WDR12: variants seen among roughly 807,000 people sequenced by gnomAD.
WDR12 encodes the protein WD repeat domain 12, also known as ribosome biogenesis protein WDR12.
Under a neutral mutation model 64.3 loss-of-function variants are expected in WDR12, and 42 were observed. The ratio of observed to expected loss-of-function variants is 0.65; its 90% CI spans 0.51 to 0.84. The LOEUF is 0.84. WDR12 is among the 40% of genes least tolerant of loss of function. The pLI is 0.00. For synonymous variants in WDR12, 158 were observed against 173.3 expected (o/e 0.91, Z 0.70); for missense variants, 469 against 494.6 (o/e 0.95, Z 0.49).
intron 8 of WDR12, among the ~76,000 whole-genome samples, chr2:202,890,243 T>G (rs1331513044): frequency 6.6e-6 from 1 of 151,448 alleles, no homozygotes; most frequent in African/African-American, 2.4e-5. Context: ...ATGGATAAAT[T>G]GTGGCATATT....
chr2:202,883,514 T>TA lies in WDR12; in HGVS notation c.1121+94dup. The TA allele has an allele frequency of 1.2e-5, 16 of 1,369,534 alleles. No homozygotes were observed. In the South Asian group the frequency reaches 2.2e-4, roughly 19 times the overall value. 84.8% of individuals were successfully genotyped at this position (1,369,534 alleles called of 1,614,324 possible). A position where few individuals can be genotyped will look rare whatever the true frequency, so the allele number is the denominator to read the frequency against. ...GGTTGCAAAACCATGAGGCTTTTTTTACTCTTCTGGTTTTAGATAAGAATT... is the reference window on the plus strand; with the variant it reads ...GGTTGCAAAACCATGAGGCTTTTTTTAACTCTTCTGGTTTTAGATAAGAATT... On this transcript the variant is annotated intron_variant, in intron 11 of 12. Coordinates refer to ENST00000261015, the MANE Select transcript of WDR12 (RefSeq NM_018256.4).
At chr2:202,895,972 A>C in intron 6 of WDR12, 93 bp downstream of exon 6, 15 of 1,374,090 alleles carry the variant, frequency 1.1e-5, no homozygotes, top group African/African-American at 1.4e-5. Context: ...TTAGGAAACT[A>C]GGCCAACACA....
intron 2 of WDR12, among the ~76,000 whole-genome samples, chr2:202,902,533 T>C (rs900290438): frequency 1.3e-5 from 2 of 152,206 alleles, no homozygotes; most frequent in Admixed American, 1.3e-4. Context: ...CAGAGGAATG[T>C]GGAAGGACTA....
At chr2:202,899,445 A>G in intron 4 of WDR12, 86 bp downstream of exon 4, 1 of 1,144,474 alleles carries the variant, frequency 8.7e-7, no homozygotes, top group Non-Finnish European at 1.2e-6. Flanking sequence ...ATTAAATCAC[A>G]GAAAAATATG....
intron 8 of WDR12, among the ~76,000 whole-genome samples, chr2:202,887,888 C>T (rs1437513685): frequency 1.4e-5 from 2 of 138,696 alleles, no homozygotes; most frequent in Non-Finnish European, 1.6e-5. Flanking sequence ...GAGCGAGACT[C>T]CGTCTCAAAA....
intron 5 of WDR12, among the ~76,000 whole-genome samples, chr2:202,896,474 T>A (rs1475477867): frequency 2.6e-5 from 4 of 152,076 alleles, no homozygotes; most frequent in African/African-American, 7.2e-5. Context: ...GCAGATCACT[T>A]GAGGTCAGGA....
rs202089786 is a variant in WDR12, at chr2:202,883,614, T to C, written c.1116A>G (p.Thr372=). ...AGATCATAAATAGAATTTACCTTCT[T>C]GTATCCCACAGCTTAACAATGTTAT... The part of the protein sequence containing the change: ...SLDNIVKLWD[T]RSCKAPLYDL... The change falls in exon 11 of 13, where the codon ACA becomes ACG. Residue 372 remains threonine, a synonymous_variant. Transcript: ENST00000261015. 130 of 1,613,752 alleles carry C rather than the reference T, an allele frequency of 8.1e-5. 1 individual carries two copies. The highest frequency in any genetic ancestry group is 1.1e-4 in the Non-Finnish European group (126 of 1,179,916).
intron 2 of WDR12, among the ~76,000 whole-genome samples, chr2:202,906,710 A>G (rs545287104): frequency 5.9e-5 from 9 of 152,276 alleles, no homozygotes; most frequent in African/African-American, 2.2e-4. Flanking sequence ...TAAAAGTACA[A>G]AAAATTAGCC....
intron 8 of WDR12, among the ~76,000 whole-genome samples, chr2:202,887,658 G>C (rs1688071417): frequency 2.6e-5 from 4 of 151,918 alleles, no homozygotes; most frequent in Admixed American, 2.0e-4. Flanking sequence ...GGAGGCTGAG[G>C]CGGGTGGATC....
In WDR12 at chr2:202,911,399, C is replaced by A. The variant is rs1688639696; in HGVS notation, c.41+37G>T. 3.1e-6 allele frequency: 5 copies of A among 1,609,116 alleles called. No individual in the cohort carries two copies. The African/African-American group carries it at 4.0e-5, about 13-fold the overall frequency. On this transcript the variant is annotated intron_variant, in intron 1 of 12. Transcript: ENST00000261015. ...TACCAAAGGGGTGGTCGGAAAGGAA[C>A]CTGGGGAAGGGAGAGAAGGCTGGAA...
At chr2:202,894,308 C>T (rs1305267713) in intron 7 of WDR12, among the ~76,000 whole-genome samples, 1 of 152,054 alleles carries the variant, frequency 6.6e-6, no homozygotes, top group East Asian at 1.9e-4. Context: ...CCTCAAACTC[C>T]TAGGCTCAAA....
At chr2:202,884,163 A>G in intron 10 of WDR12, 35 bp downstream of exon 10, 1 of 1,566,196 alleles carries the variant, frequency 6.4e-7, no homozygotes, top group South Asian at 1.1e-5. Context: ...GATGTTATTC[A>G]CACATATATT....
At chr2:202,890,394 G>A (rs1191551534) in intron 8 of WDR12, among the ~76,000 whole-genome samples, 1 of 152,236 alleles carries the variant, frequency 6.6e-6, no homozygotes, top group Non-Finnish European at 1.5e-5. Context: ...TTGAGAGGCA[G>A]GCTAGAGGCA....
chr2:202,898,721 G>A (rs1470504241), intron 4 of WDR12, among the ~76,000 whole-genome samples: 1 of 152,084 alleles, frequency 6.6e-6, no homozygotes, highest in Non-Finnish European at 1.5e-5. Flanking sequence ...GAGATCTATG[G>A]CTATAAAAGT....
At chr2:202,892,594 A>T (rs1225502682) in intron 8 of WDR12, 23 bp downstream of exon 8, 1 of 1,565,668 alleles carries the variant, frequency 6.4e-7, no homozygotes, top group Non-Finnish European at 8.8e-7. Context: ...AGGCAAGTAC[A>T]GTCAGTTCTC....
intron 4 of WDR12, among the ~76,000 whole-genome samples, chr2:202,899,319 C>T (rs1334490896): frequency 2.0e-5 from 3 of 152,230 alleles, no homozygotes; most frequent in African/African-American, 7.2e-5. Context: ...GCTGGGATTA[C>T]AGGCATGAGC....
chr2:202,905,631 T>C (rs949507768), intron 2 of WDR12, among the ~76,000 whole-genome samples: 10 of 152,050 alleles, frequency 6.6e-5, no homozygotes, highest in African/African-American at 2.4e-4. Flanking sequence ...AGGTATATAC[T>C]CAAAAGTAGA....
intron 5 of WDR12, among the ~76,000 whole-genome samples, chr2:202,896,918 T>A (rs899759735): frequency 6.6e-6 from 1 of 151,954 alleles, no homozygotes; most frequent in Non-Finnish European, 1.5e-5. Flanking sequence ...ACCTGGGAAG[T>A]GGATGTTGCA....
At chr2:202,904,053 G>A (rs1478551019) in intron 2 of WDR12, among the ~76,000 whole-genome samples, 2 of 146,470 alleles carry the variant, frequency 1.4e-5, no homozygotes, top group African/African-American at 2.5e-5. Flanking sequence ...CAGGAGAATC[G>A]CTTGAAACCG....
Sources: allele counts gnomAD v4.1 joint callset (sites outside exome capture counted in the v4.1 genomes callset), GRCh38; gene constraint gnomAD v4.1.1; transcripts MANE v1.5; gene names NCBI Gene and HGNC (gene_info 2026-07-23, HGNC 2026-07-21).